Variants in PDIA4 observed in about 807,000 individuals in gnomAD.
The protein encoded by PDIA4 is protein disulfide isomerase family A member 4, also known as protein disulfide-isomerase A4.
A neutral mutation model predicts 62.1 loss-of-function variants in PDIA4; 33 were observed. That is an observed-to-expected ratio of 0.53 (90% CI 0.40 to 0.71). The LOEUF (loss-of-function observed/expected upper bound fraction) is 0.71, where lower values mean the gene tolerates loss of function less well. Ranked by LOEUF, PDIA4 falls within the 30% of genes least tolerant of loss-of-function variation. The probability of loss-of-function intolerance (pLI) is 0.00; values close to 1 mark genes in which losing one functional copy is unlikely to be tolerated. For synonymous variants in PDIA4, 341 were observed against 324.1 expected (o/e 1.05, Z -0.56); for missense variants, 804 against 813.6 (o/e 0.99, Z 0.14).
intron 1 of PDIA4, among the ~76,000 whole-genome samples, chr7:149,021,869 C>T (rs953792112): frequency 6.6e-6 from 1 of 152,116 alleles, no homozygotes. Context: ...GGGCCTCGCT[C>T]CTGTAGCTCG....
rs1355537592 is a variant in PDIA4, at chr7:149,004,170, T to C, written c.1562A>G (p.Lys521Arg). 1.2e-6 allele frequency: 2 copies of C among 1,613,814 alleles called. No homozygotes were observed. Among genetic ancestry groups the C allele is most frequent in the East Asian group, 4.5e-5 (2 of 44,888 alleles). Residue 521 changes from lysine (K) to arginine (R), a missense_variant, in exon 10 of 10, where the codon AAG (lysine) becomes AGG (arginine). By Grantham distance (26) the Lys-to-Arg change is conservative. Coordinates refer to ENST00000652332, the MANE Select transcript of PDIA4 (RefSeq NM_004911.5). ...KPVIKSQPVP[K>R]NNKGPVKVVV... ...GACCTTGACGGGTCCCTTGTTGTTC[T>C]TGGGCACTGGCTGGGATTTGATGAC...
At chr7:149,022,187 A>C (rs1262237084) in intron 1 of PDIA4, among the ~76,000 whole-genome samples, 1 of 152,184 alleles carries the variant, frequency 6.6e-6, no homozygotes, top group African/African-American at 2.4e-5. Context: ...AGGTTTTATA[A>C]TCCTTGAGGA....
At chr7:149,011,461 C>T (rs554908056) in intron 6 of PDIA4, among the ~76,000 whole-genome samples, 1 of 152,360 alleles carries the variant, frequency 6.6e-6, no homozygotes, top group East Asian at 1.9e-4. Context: ...AGACCACCAC[C>T]TTGGGCAAGA....
intron 3 of PDIA4, among the ~76,000 whole-genome samples, chr7:149,018,321 G>A (rs2129505158): frequency 6.6e-6 from 1 of 152,210 alleles, no homozygotes; most frequent in Non-Finnish European, 1.5e-5. Context: ...TGGCGCTGGG[G>A]CCCAGCAAGC....
At chr7:149,018,906 AC>A in intron 3 of PDIA4, 85 bp downstream of exon 3, 2 of 809,172 alleles carry the variant, frequency 2.5e-6, no homozygotes, top group Non-Finnish European at 2.0e-6. Flanking sequence ...AGTCCCTGGT[AC>A]CCTCAGCTTT....
chr7:149,028,445 G>C lies in PDIA4; in HGVS notation c.-37C>G. On this transcript the variant is annotated 5_prime_UTR_variant, in exon 1 of 10. Transcript: ENST00000652332. Reference sequence around the variant, plus strand: ...CGGAGCGCGGCCTCCTAGCGTCGGCGGCCGCTGAGCGCACCGAGAACTCGG... The same window carrying C: ...CGGAGCGCGGCCTCCTAGCGTCGGCCGCCGCTGAGCGCACCGAGAACTCGG... 2 of 1,389,858 alleles carry C rather than the reference G, an allele frequency of 1.4e-6. No individual in the cohort carries two copies. Among genetic ancestry groups the C allele is most frequent in the South Asian group, 2.7e-5 (2 of 73,004 alleles). 86.1% of individuals were successfully genotyped at this position (1,389,858 alleles called of 1,614,324 possible).
intron 1 of PDIA4, among the ~76,000 whole-genome samples, chr7:149,021,374 A>G (rs1459090643): frequency 6.6e-6 from 1 of 151,214 alleles, no homozygotes; most frequent in African/African-American, 2.4e-5. Context: ...CTGTAGTCCC[A>G]GCTACTCGGG....
chr7:149,020,884 C>G (rs1824322224), intron 2 of PDIA4, 83 bp downstream of exon 2: 5 of 1,527,790 alleles, frequency 3.3e-6, no homozygotes, highest in African/African-American at 1.4e-5. Flanking sequence ...CCCCACCCCC[C>G]AAGGTCTGGA....
At position 149,014,929 on chromosome 7, in the gene PDIA4, T is replaced by C. The variant is rs752384750; in HGVS notation, c.589A>G (p.Ile197Val). 1 of 1,614,158 alleles carries C rather than the reference T, an allele frequency of 6.2e-7. No individual in the cohort carries two copies. The highest frequency in any genetic ancestry group is 8.5e-7 in the Non-Finnish European group (1 of 1,180,002). ...CATGGGGCATAAAACTCCACCAGAA[T>C]GATATCTGCATCATTCACAACTTCA... The part of the protein sequence containing the change: ...FDEVVNDADI[I>V]LVEFYAPWCG... The change falls in exon 4 of 10, where the codon ATT becomes GTT. Residue 197 changes from isoleucine to valine, a missense_variant. By Grantham distance (29) the Ile-to-Val change is conservative. Coordinates refer to ENST00000652332, the MANE Select transcript of PDIA4 (RefSeq NM_004911.5).
Position 149,018,899 on chromosome 7 carries a change from C to T in PDIA4, c.475+93G>A, listed in dbSNP as rs559511318. On this transcript the variant is annotated intron_variant, in intron 3 of 9. Coordinates refer to ENST00000652332, the MANE Select transcript of PDIA4 (RefSeq NM_004911.5). Reference sequence around the variant, plus strand: ...GGCTAAGGTTCCTGAGAAAGTCAGTCCCTGGTACCCTCAGCTTTTCTTCCT... The same window carrying T: ...GGCTAAGGTTCCTGAGAAAGTCAGTTCCTGGTACCCTCAGCTTTTCTTCCT... The T allele has an allele frequency of 7.0e-4, 492 of 705,172 alleles. 3 individuals carry two copies. The African/African-American group carries it at 7.9e-3, about 11-fold the overall frequency. The allele number at this position is 705,172 out of a possible 1,614,324, so 43.7% of individuals were successfully genotyped here. A position where few individuals can be genotyped will look rare whatever the true frequency, so the allele number is the denominator to read the frequency against.
chr7:149,014,860 C>A, intron 4 of PDIA4, 44 bp downstream of exon 4: 1 of 1,600,264 alleles, frequency 6.2e-7, no homozygotes, highest in Admixed American at 1.7e-5. Flanking sequence ...GCACCTAGTG[C>A]CCACCAGGGT....
At chr7:149,006,116 ATGTT>A (rs1184981994) in intron 7 of PDIA4, 63 bp from the exon 8 acceptor site, 1 of 1,503,068 alleles carries the variant, frequency 6.7e-7, no homozygotes, top group Non-Finnish European at 8.8e-7. Flanking sequence ...CTTGAGTACA[ATGTT>A]TGAGGGACTT....
Position 149,021,023 on chromosome 7 carries a change from G to A in PDIA4, c.213C>T (p.Asn71=), listed in dbSNP as rs756746171. ...CTTTGTCAGCCACAAAATTATCAAAGTTTGCATCATTTAGGACCAAGACTC... is the reference window on the plus strand; with the variant it reads ...CTTTGTCAGCCACAAAATTATCAAAATTTGCATCATTTAGGACCAAGACTC... The part of the protein sequence containing the change: ...ENGVLVLNDA[N]FDNFVADKDT... Residue 71 remains asparagine (N), a synonymous_variant, in exon 2 of 10, where the codon AAC becomes AAT. Coordinates refer to ENST00000652332, the MANE Select transcript of PDIA4 (RefSeq NM_004911.5). 6 of 1,614,130 alleles carry A rather than the reference G, an allele frequency of 3.7e-6. No individual in the cohort carries two copies. The highest frequency in any genetic ancestry group is 5.1e-6 in the Non-Finnish European group (6 of 1,180,016).
intron 6 of PDIA4, among the ~76,000 whole-genome samples, chr7:149,010,135 G>A (rs968257950): frequency 3.0e-4 from 46 of 152,116 alleles, no homozygotes; most frequent in African/African-American, 9.4e-4. Context: ...CGTAGCTTTA[G>A]ACTTGTTAGT....
chr7:149,010,200 A>C (rs1823898871), intron 6 of PDIA4, among the ~76,000 whole-genome samples: 1 of 152,088 alleles, frequency 6.6e-6, no homozygotes, highest in African/African-American at 2.4e-5. Flanking sequence ...ATTAAAATCC[A>C]CTAAATAAGG....
At chr7:149,008,072 C>T in intron 7 of PDIA4, 87 bp downstream of exon 7, 7 of 1,290,930 alleles carry the variant, frequency 5.4e-6, no homozygotes, top group Non-Finnish European at 6.5e-6. Context: ...GCGAAACCTC[C>T]ACGTTTGAAA....
intron 6 of PDIA4, among the ~76,000 whole-genome samples, chr7:149,009,225 T>C (rs1454056779): frequency 1.3e-5 from 2 of 152,108 alleles, no homozygotes; most frequent in Non-Finnish European, 2.9e-5. Flanking sequence ...GCCACTGTGC[T>C]CAGCCAACCC....
chr7:149,016,866 A>G (rs778251649), intron 3 of PDIA4, among the ~76,000 whole-genome samples: 11 of 152,196 alleles, frequency 7.2e-5, no homozygotes, highest in Non-Finnish European at 1.5e-4. Context: ...AAGAAAGACT[A>G]TTCATTAATC....
intron 1 of PDIA4, among the ~76,000 whole-genome samples, chr7:149,027,641 T>C (rs553260973): frequency 7.0e-4 from 106 of 150,800 alleles, no homozygotes; most frequent in Non-Finnish European, 4.0e-4. Context: ...GCAGGGACCA[T>C]GAAGTAGTTG....
Sources: gnomAD v4.1 joint callset for allele counts (sites outside exome capture counted in the v4.1 genomes callset) on GRCh38, gnomAD v4.1.1 for gene constraint, MANE v1.5 for transcripts, NCBI Gene and HGNC (gene_info 2026-07-23, HGNC 2026-07-21) for gene names.